TDRD3: variants seen among roughly 807,000 people sequenced by gnomAD.
The protein encoded by TDRD3 is tudor domain-containing protein 3.
Under a neutral mutation model 86.7 loss-of-function variants are expected in TDRD3, and 45 were observed. The observed-to-expected ratio is 0.52, with a 90% CI of 0.41 to 0.67. TDRD3 has a LOEUF of 0.67. TDRD3 is among the 30% of genes least tolerant of loss of function. The pLI is 0.00. For missense variants in TDRD3, 814 were observed against 889.0 expected (o/e 0.92, Z 1.07); for synonymous variants, 298 against 301.7 (o/e 0.99, Z 0.13).
At chr13:60,557,819 G>GTTT (rs1491187240) in intron 12 of TDRD3, among the ~76,000 whole-genome samples, 13 of 89,918 alleles carry the variant, frequency 1.4e-4, no homozygotes, top group Non-Finnish European at 3.1e-4. Context: ...TTTTTTTCCT[G>GTTT]ATTTTTTTTT....
intron 4 of TDRD3, among the ~76,000 whole-genome samples, chr13:60,461,891 A>G (rs1215384129): frequency 6.6e-6 from 1 of 152,192 alleles, no homozygotes; most frequent in Non-Finnish European, 1.5e-5. Context: ...CTGACAACAG[A>G]AAGAGTGAGA....
At chr13:60,560,395 T>C (rs1013318068) in intron 12 of TDRD3, among the ~76,000 whole-genome samples, 1 of 152,328 alleles carries the variant, frequency 6.6e-6, no homozygotes, top group East Asian at 1.9e-4. Flanking sequence ...CCATAACTTT[T>C]ATCATTTGGA....
chr13:60,438,861 T>C (rs936173405), intron 1 of TDRD3, among the ~76,000 whole-genome samples: 1 of 151,456 alleles, frequency 6.6e-6, no homozygotes, highest in African/African-American at 2.4e-5. Context: ...AGCCATTTGG[T>C]TAAAGGGGTT....
At chr13:60,435,932 A>G (rs867180139) in intron 1 of TDRD3, among the ~76,000 whole-genome samples, 4 of 104,620 alleles carry the variant, frequency 3.8e-5, no homozygotes, top group Admixed American at 9.6e-5. Context: ...TTTTTTTTTT[A>G]CTTTTTAATT....
chr13:60,568,949 G>T (rs1279549972), intron 13 of TDRD3, among the ~76,000 whole-genome samples: 1 of 151,750 alleles, frequency 6.6e-6, no homozygotes, highest in African/African-American at 2.4e-5. Flanking sequence ...TATGTCAACC[G>T]CAATTGTTTT....
intron 5 of TDRD3, among the ~76,000 whole-genome samples, chr13:60,477,267 C>T (rs1956205750): frequency 6.6e-6 from 1 of 151,418 alleles, no homozygotes; most frequent in South Asian, 2.1e-4. Context: ...CAGGCTGAAG[C>T]ACAATGGCAG....
rs1221913876 is a variant in TDRD3 at position 60,479,575 on chromosome 13, G to T, written c.496-4200G>T. ...TGTTATGTTTCTGCATTGATGATTT[G>T]TCTAATGCTTTCAGTGGTATGTTGA... On this transcript the variant is annotated intron_variant, in intron 5 of 13. Coordinates refer to ENST00000377881, the MANE Select transcript of TDRD3 (RefSeq NM_001146070.2). Among the ~76,000 whole-genome samples the T allele has an allele frequency of 2.0e-5, 3 of 152,270 alleles. No individual in the cohort carries two copies. In the South Asian group the frequency reaches 6.2e-4, roughly 32 times the overall value.
intron 8 of TDRD3, among the ~76,000 whole-genome samples, chr13:60,497,775 A>C (rs1359316314): frequency 3.3e-5 from 5 of 151,246 alleles, no homozygotes; most frequent in African/African-American, 1.2e-4. Flanking sequence ...ACTCTGATGA[A>C]TTTTTTTTTG....
chr13:60,432,516 G>C (rs1171018232), intron 1 of TDRD3, among the ~76,000 whole-genome samples: 1 of 152,058 alleles, frequency 6.6e-6, no homozygotes, highest in Non-Finnish European at 1.5e-5. Flanking sequence ...TCTCTGACTA[G>C]GTATAGTATA....
At chr13:60,514,144 G>T (rs1046486877) in intron 10 of TDRD3, among the ~76,000 whole-genome samples, 3 of 152,190 alleles carry the variant, frequency 2.0e-5, no homozygotes, top group African/African-American at 7.2e-5. Flanking sequence ...TGAGGAATTT[G>T]TTGGGAACTG....
intron 3 of TDRD3, among the ~76,000 whole-genome samples, chr13:60,446,068 C>G (rs1955389848): frequency 6.6e-6 from 1 of 152,108 alleles, no homozygotes; most frequent in Admixed American, 6.6e-5. Context: ...CAAATTTTAT[C>G]TTTTAAAACA....
intron 3 of TDRD3, among the ~76,000 whole-genome samples, chr13:60,447,034 A>G (rs1041953747): frequency 1.3e-5 from 2 of 152,216 alleles, no homozygotes; most frequent in Admixed American, 6.5e-5. Context: ...TAATCTGCCT[A>G]TCTCTTGACC....
At chr13:60,522,813 T>A (rs1595063927) in intron 10 of TDRD3, among the ~76,000 whole-genome samples, 1 of 152,218 alleles carries the variant, frequency 6.6e-6, no homozygotes, top group East Asian at 1.9e-4. Context: ...TTGTGATTTC[T>A]ACATCTCACC....
chr13:60,488,266 G>C (rs1293091543), intron 7 of TDRD3, among the ~76,000 whole-genome samples: 2 of 152,198 alleles, frequency 1.3e-5, no homozygotes, highest in Non-Finnish European at 2.9e-5. Context: ...TGAATGAGGG[G>C]TGTGGCATCT....
intron 5 of TDRD3, among the ~76,000 whole-genome samples, chr13:60,483,526 T>C (rs1956362087): frequency 6.6e-6 from 1 of 152,170 alleles, no homozygotes; most frequent in Non-Finnish European, 1.5e-5. Flanking sequence ...GGGAATGGCC[T>C]GATAAATATT....
chr13:60,517,416 T>C (rs1775288943), intron 10 of TDRD3, among the ~76,000 whole-genome samples: 1 of 152,212 alleles, frequency 6.6e-6, no homozygotes. Flanking sequence ...TTGACTATTA[T>C]GTATATTTAT....
intron 3 of TDRD3, among the ~76,000 whole-genome samples, chr13:60,445,084 G>T (rs1280075194): frequency 6.6e-6 from 1 of 151,896 alleles, no homozygotes; most frequent in Non-Finnish European, 1.5e-5. Flanking sequence ...TTTTATTTTA[G>T]TTACCTTAAT....
At chr13:60,418,533 G>C (rs925195077) in intron 1 of TDRD3, among the ~76,000 whole-genome samples, 1 of 152,090 alleles carries the variant, frequency 6.6e-6, no homozygotes, top group Non-Finnish European at 1.5e-5. Flanking sequence ...CCACAGAGTA[G>C]ATAGAGACTC....
At chr13:60,433,458 G>A (rs1038659144) in intron 1 of TDRD3, among the ~76,000 whole-genome samples, 5 of 152,268 alleles carry the variant, frequency 3.3e-5, no homozygotes, top group African/African-American at 1.2e-4. Flanking sequence ...GCATAATTGT[G>A]TTCTTTGCTC....
Sources: gnomAD v4.1 joint callset for allele counts (sites outside exome capture counted in the v4.1 genomes callset) on GRCh38, gnomAD v4.1.1 for gene constraint, MANE v1.5 for transcripts, NCBI Gene and HGNC (gene_info 2026-07-23, HGNC 2026-07-21) for gene names.